Variants in XKR4 observed in about 807,000 individuals in gnomAD.
The protein encoded by XKR4 is XK-related protein 4.
Under a neutral mutation model 53.9 loss-of-function variants are expected in XKR4, and 12 were observed. The observed-to-expected ratio is 0.22, with a 90% confidence interval of 0.14 to 0.36. The LOEUF (loss-of-function observed/expected upper bound fraction) is 0.36, where lower values mean the gene tolerates loss of function less well. Among genes scored for constraint, XKR4 ranks in the 10% least tolerant of loss-of-function variants. XKR4 has a pLI of 1.00. For missense variants in XKR4, 799 were observed against 859.5 expected (o/e 0.93, Z 0.88); for synonymous variants, 354 against 362.4 (o/e 0.98, Z 0.26).
chr8:55,212,420 C>T (rs1817743409), intron 1 of XKR4, among the ~76,000 whole-genome samples: 1 of 152,082 alleles, frequency 6.6e-6, no homozygotes, highest in African/African-American at 2.4e-5. Context: ...TGCTCTCTGT[C>T]ATGTTGGTAT....
intron 1 of XKR4, among the ~76,000 whole-genome samples, chr8:55,122,998 A>G (rs939478768): frequency 1.3e-5 from 2 of 152,070 alleles, no homozygotes; most frequent in African/African-American, 4.8e-5. Context: ...TGTACCTGAC[A>G]TTTATCTGTT....
intron 1 of XKR4, among the ~76,000 whole-genome samples, chr8:55,290,576 C>A (rs1419822060): frequency 6.6e-6 from 1 of 152,048 alleles, no homozygotes; most frequent in Non-Finnish European, 1.5e-5. Flanking sequence ...TGCTCTCCCT[C>A]CCCCTGCACC....
intron 1 of XKR4, among the ~76,000 whole-genome samples, chr8:55,125,321 C>A (rs1226866876): frequency 1.5e-5 from 1 of 65,918 alleles, no homozygotes; most frequent in Admixed American, 1.6e-4. Context: ...AACTCCGCCT[C>A]CTGGGTTCAA....
In XKR4 at chr8:55,310,626, CTGAG is replaced by C. The variant is rs1819375701; in HGVS notation, c.807-47050_807-47047del. On this transcript the variant is annotated intron_variant, in intron 1 of 2. Coordinates refer to ENST00000327381, the MANE Select transcript of XKR4 (RefSeq NM_052898.2). The stretch of plus-strand genomic sequence containing the variant: ...GTAGACTTGTTCTGCCATTGGTTCC[CTGAG>C]TAAGTTTGGACAAGTCACACTCTCT... Among the ~76,000 whole-genome samples, 5 of 152,192 alleles carry C rather than the reference CTGAG, an allele frequency of 3.3e-5. No homozygotes were observed. In the South Asian group the frequency reaches 1.0e-3, roughly 32 times the overall value.
chr8:55,156,401 G>C (rs540343034), intron 1 of XKR4, among the ~76,000 whole-genome samples: 15 of 143,778 alleles, frequency 1.0e-4, no homozygotes, highest in African/African-American at 3.5e-4. Context: ...GCATAGTCAC[G>C]GCGTAAGATG....
At chr8:55,305,154 C>A (rs995233976) in intron 1 of XKR4, among the ~76,000 whole-genome samples, 1 of 152,174 alleles carries the variant, frequency 6.6e-6, no homozygotes, top group Non-Finnish European at 1.5e-5. Flanking sequence ...CATAGCTATA[C>A]AAACTTACAT....
At chr8:55,237,460 C>T (rs571993113) in intron 1 of XKR4, among the ~76,000 whole-genome samples, 1 of 152,216 alleles carries the variant, frequency 6.6e-6, no homozygotes, top group Admixed American at 6.5e-5. Context: ...AATATACTTG[C>T]TATTCATTGA....
intron 1 of XKR4, among the ~76,000 whole-genome samples, chr8:55,352,938 T>G (rs985518156): frequency 2.6e-5 from 4 of 152,180 alleles, no homozygotes; most frequent in Non-Finnish European, 5.9e-5. Flanking sequence ...GACAACTTAA[T>G]GGATGGAAGT....
intron 1 of XKR4, among the ~76,000 whole-genome samples, chr8:55,285,434 G>T (rs1473866137): frequency 6.6e-6 from 1 of 152,046 alleles, no homozygotes; most frequent in East Asian, 1.9e-4. Flanking sequence ...GCAACAGACA[G>T]TATAGAGTGA....
intron 2 of XKR4, among the ~76,000 whole-genome samples, chr8:55,507,754 G>C (rs1806564427): frequency 6.6e-6 from 1 of 152,088 alleles, no homozygotes; most frequent in African/African-American, 2.4e-5. Flanking sequence ...ATCCTTGTTG[G>C]ACATTTGGGT....
At chr8:55,449,987 T>C (rs1403754105) in intron 2 of XKR4, 13 of 817,028 alleles carry the variant, frequency 1.6e-5, no homozygotes, top group African/African-American at 3.4e-5. Flanking sequence ...TGCAGGTACA[T>C]ACCCAGCGAG....
At chr8:55,304,512 T>C (rs375959511) in intron 1 of XKR4, among the ~76,000 whole-genome samples, 19 of 152,334 alleles carry the variant, frequency 1.2e-4, no homozygotes, top group East Asian at 9.6e-4. Flanking sequence ...GTCTTTTAGG[T>C]CCACTTGGTG....
intron 2 of XKR4, among the ~76,000 whole-genome samples, chr8:55,406,929 A>T (rs1804692723): frequency 1.3e-5 from 2 of 152,232 alleles, no homozygotes; most frequent in African/African-American, 4.8e-5. Flanking sequence ...TTCAATAAGT[A>T]CATTGTTGGA....
intron 1 of XKR4, among the ~76,000 whole-genome samples, chr8:55,259,162 A>T (rs1585972279): frequency 6.6e-6 from 1 of 152,284 alleles, no homozygotes; most frequent in Middle Eastern, 3.4e-3. Flanking sequence ...AGATCATAGC[A>T]CCGGCATCCA....
At chr8:55,411,377 C>T (rs1427776564) in intron 2 of XKR4, among the ~76,000 whole-genome samples, 1 of 152,220 alleles carries the variant, frequency 6.6e-6, no homozygotes, top group Non-Finnish European at 1.5e-5. Flanking sequence ...CATTTACGTG[C>T]TCAGTGAGCG....
At chr8:55,418,108 A>T (rs1804875763) in intron 2 of XKR4, among the ~76,000 whole-genome samples, 1 of 152,206 alleles carries the variant, frequency 6.6e-6, no homozygotes, top group African/African-American at 2.4e-5. Flanking sequence ...GCCTCAGCCC[A>T]TCCCCCTGAG....
At chr8:55,185,499 C>T (rs543870983) in intron 1 of XKR4, among the ~76,000 whole-genome samples, 2 of 152,222 alleles carry the variant, frequency 1.3e-5, no homozygotes, top group African/African-American at 2.4e-5. Flanking sequence ...AATTGAGAGA[C>T]AATCCAGGAG....
At chr8:55,126,509 C>T (rs549859966) in intron 1 of XKR4, among the ~76,000 whole-genome samples, 2 of 152,290 alleles carry the variant, frequency 1.3e-5, no homozygotes, top group South Asian at 4.1e-4. Context: ...TCTACTTAAA[C>T]CAGCTGGAGT....
At chr8:55,340,362 T>C (rs1803524962) in intron 1 of XKR4, among the ~76,000 whole-genome samples, 1 of 152,242 alleles carries the variant, frequency 6.6e-6, no homozygotes, top group Non-Finnish European at 1.5e-5. Flanking sequence ...AATTCAACTT[T>C]AAGTTTCAAT....
Sources: gnomAD v4.1 joint callset for allele counts (sites outside exome capture counted in the v4.1 genomes callset) on GRCh38, gnomAD v4.1.1 for gene constraint, MANE v1.5 for transcripts, NCBI Gene and HGNC (gene_info 2026-07-23, HGNC 2026-07-21) for gene names.